LYRM4: variants seen among roughly 807,000 people sequenced by gnomAD.
The protein encoded by LYRM4 is LYR motif-containing protein 4.
A neutral mutation model predicts 11.7 loss-of-function variants in LYRM4; 9 were observed. The observed-to-expected ratio is 0.77, with a 90% CI of 0.46 to 1.34. The LOEUF (loss-of-function observed/expected upper bound fraction) is 1.34. Among genes scored for constraint, LYRM4 ranks in the 40% most tolerant of loss-of-function variants. The pLI is 0.00. For missense variants in LYRM4, 133 were observed against 112.5 expected, an observed-to-expected ratio of 1.18 and a Z score of -0.82; for synonymous variants, 42 against 40.4, an observed-to-expected ratio of 1.04 and a Z score of -0.15.
At chr6:5,134,766 A>G (rs1049992567) in intron 2 of LYRM4, among the ~76,000 whole-genome samples, 2 of 152,232 alleles carry the variant, frequency 1.3e-5, no homozygotes, top group South Asian at 2.1e-4. Flanking sequence ...TTTTTCCATA[A>G]TAACAGGTTA....
chr6:5,140,012 T>A (rs925643826), intron 2 of LYRM4, among the ~76,000 whole-genome samples: 1 of 151,488 alleles, frequency 6.6e-6, no homozygotes, highest in African/African-American at 2.4e-5. Context: ...GGCAGGTGGA[T>A]CACTCGTGCC....
chr6:5,202,076 C>G (rs1036675766), intron 2 of LYRM4, among the ~76,000 whole-genome samples: 2 of 152,236 alleles, frequency 1.3e-5, no homozygotes, highest in Non-Finnish European at 2.9e-5. Context: ...GCTTCAGCCT[C>G]CATAATCAGT....
At chr6:5,040,076 A>T in the LYRM4 span, among the ~76,000 whole-genome samples, 1 of 152,202 alleles carries the variant, frequency 6.6e-6, no homozygotes, top group Non-Finnish European at 1.5e-5. Context: ...AACATATCCT[A>T]AACTATCCAC....
rs373694502 is a variant in LYRM4 at position 5,157,918 on chromosome 6, A to G, written c.208-48427T>C. On this transcript the variant is annotated intron_variant, in intron 2 of 2. Coordinates refer to ENST00000330636, the MANE Select transcript of LYRM4 (RefSeq NM_020408.6). ...CCAGCCGGCCAGCAGCCGCCTCTGC[A>G]CTGTCGGCAGGCCCTGCTGCCATCC... Among the ~76,000 whole-genome samples, 83 of 152,368 alleles carry G rather than the reference A, an allele frequency of 5.4e-4. 2 individuals are homozygous for G. The East Asian group carries it at 0.012, about 22-fold the overall frequency.
chr6:5,209,074 G>C (rs532243811), intron 2 of LYRM4, among the ~76,000 whole-genome samples: 8 of 151,976 alleles, frequency 5.3e-5, no homozygotes, highest in Middle Eastern at 3.4e-3. Flanking sequence ...GCCTCTGATG[G>C]GTTTATTATT....
At chr6:5,253,593 G>C (rs2773315) in intron 1 of LYRM4, among the ~76,000 whole-genome samples, 124,778 of 152,130 alleles carry the variant, frequency 0.82, 51,787 homozygotes, top group African/African-American at 0.95. Context: ...TGCTAACAAA[G>C]GTACAGTGCT....
the LYRM4 span, among the ~76,000 whole-genome samples, chr6:5,067,815 T>C: frequency 1.4e-4 from 22 of 152,326 alleles, no homozygotes; most frequent in African/African-American, 4.3e-4. Flanking sequence ...ACAAATCCCA[T>C]GCCAGTTTGT....
intron 2 of LYRM4, among the ~76,000 whole-genome samples, chr6:5,119,921 GAA>G (rs1763344958): frequency 1.3e-5 from 2 of 150,774 alleles, no homozygotes; most frequent in South Asian, 2.1e-4. Context: ...TATTTTTTGA[GAA>G]AGAGTCTCGC....
intron 2 of LYRM4, among the ~76,000 whole-genome samples, chr6:5,160,511 A>G (rs1039200525): frequency 1.3e-5 from 2 of 152,052 alleles, no homozygotes; most frequent in African/African-American, 4.8e-5. Context: ...ATATTTTTAT[A>G]ATATCAGATT....
chr6:5,180,333 T>A (rs1759996484), intron 2 of LYRM4, among the ~76,000 whole-genome samples: 1 of 152,204 alleles, frequency 6.6e-6, no homozygotes, highest in South Asian at 2.1e-4. Context: ...CGTGATTTCC[T>A]TACTGTGACA....
At chr6:5,238,313 T>C (rs1332166960) in intron 1 of LYRM4, among the ~76,000 whole-genome samples, 1 of 152,188 alleles carries the variant, frequency 6.6e-6, no homozygotes, top group African/African-American at 2.4e-5. Context: ...TGTTAAATGA[T>C]GGTAAGGTTC....
intron 1 of LYRM4, among the ~76,000 whole-genome samples, chr6:5,247,779 G>A (rs950569205): frequency 3.3e-5 from 5 of 151,934 alleles, no homozygotes; most frequent in Admixed American, 6.6e-5. Context: ...GTCTAATGAG[G>A]GCAGCAGCCA....
the LYRM4 span, chr6:5,034,754 T>TGACAATAAATGCTTTTTTTTTTTTC: frequency 1.2e-4 from 1 of 8,640 alleles, no homozygotes; most frequent in African/African-American, 2.3e-4. Context: ...ACAGCAATGC[T>TGACAATAAATGCTTTTTTTTTTTTC]TTTTTTTTTT....
the LYRM4 span, among the ~76,000 whole-genome samples, chr6:5,052,370 G>A: frequency 2.0e-5 from 3 of 152,216 alleles, no homozygotes; most frequent in South Asian, 6.2e-4. Flanking sequence ...TAGCTGAAAG[G>A]GGGTAGGAGC....
intron 2 of LYRM4, among the ~76,000 whole-genome samples, chr6:5,215,909 T>C (rs936115147): frequency 7.9e-5 from 12 of 152,210 alleles, no homozygotes; most frequent in Admixed American, 2.0e-4. Flanking sequence ...GGGTGTTTTT[T>C]AGAGAGCAAG....
At chr6:5,173,121 G>GCTGT (rs148335048) in intron 2 of LYRM4, among the ~76,000 whole-genome samples, 2,005 of 152,262 alleles carry the variant, frequency 0.013, 38 homozygotes, top group African/African-American at 0.044. Flanking sequence ...CTCTTTAACT[G>GCTGT]CTAATGACTT....
chr6:5,209,873 T>C (rs1471035436), intron 2 of LYRM4, among the ~76,000 whole-genome samples: 1 of 152,198 alleles, frequency 6.6e-6, no homozygotes, highest in Non-Finnish European at 1.5e-5. Flanking sequence ...GGAAAAGCAT[T>C]TAAATCTCTC....
chr6:5,097,647 G>C, the LYRM4 span, among the ~76,000 whole-genome samples: 1 of 152,026 alleles, frequency 6.6e-6, no homozygotes, highest in African/African-American at 2.4e-5. Context: ...CACTGTACCC[G>C]GCCAATAAAT....
At chr6:5,113,524 G>A (rs769485451) in intron 2 of LYRM4, 5 of 284,234 alleles carry the variant, frequency 1.8e-5, no homozygotes, top group Non-Finnish European at 3.5e-5. Context: ...CCCTGAAGGG[G>A]GACCCACCCT....
Sources: allele counts gnomAD v4.1 joint callset (sites outside exome capture counted in the v4.1 genomes callset), GRCh38; gene constraint gnomAD v4.1.1; transcripts MANE v1.5; gene names NCBI Gene and HGNC (gene_info 2026-07-23, HGNC 2026-07-21).